Variants in CEP78 observed in about 807,000 individuals in gnomAD.
CEP78 encodes the protein centrosomal protein of 78 kDa.
Under a neutral mutation model 81.2 loss-of-function variants are expected in CEP78, and 76 were observed. The observed-to-expected ratio is 0.94, with a 90% CI of 0.78 to 1.13. The LOEUF is 1.13. Among genes scored for constraint, CEP78 ranks in the 50% most tolerant of loss-of-function variants. The pLI is 0.00. For missense variants in CEP78, 918 were observed against 846.8 expected (o/e 1.08, Z -1.04); for synonymous variants, 293 against 301.4 (o/e 0.97, Z 0.29).
intron 11 of CEP78, among the ~76,000 whole-genome samples, chr9:78,259,893 C>T (rs1016125067): frequency 2.0e-5 from 3 of 152,232 alleles, no homozygotes; most frequent in Admixed American, 2.0e-4. Flanking sequence ...TTAAGGAAGA[C>T]AGTAACCTTT....
intron 1 of CEP78, among the ~76,000 whole-genome samples, chr9:78,237,104 C>T (rs1328476969): frequency 1.3e-5 from 2 of 151,062 alleles, no homozygotes; most frequent in African/African-American, 4.9e-5. Flanking sequence ...CCTCAACCTC[C>T]CGAGTAGCTG....
intron 15 of CEP78, 99 bp from the exon 16 acceptor site, chr9:78,266,343 A>G (rs1326730817): frequency 3.3e-6 from 3 of 918,470 alleles, no homozygotes; most frequent in South Asian, 1.8e-5. Context: ...ATGACCTGGA[A>G]ATCTTCTAAG....
chr9:78,251,791 G>T, intron 8 of CEP78, 117 bp from the exon 9 acceptor site: 1 of 697,564 alleles, frequency 1.4e-6, no homozygotes, highest in Middle Eastern at 3.1e-4. Context: ...TGATTTAATG[G>T]ACTTGGTGTC....
At position 78,265,365 on chromosome 9, in the gene CEP78, C is replaced by A. The variant is rs761841632; in HGVS notation, c.1626-7C>A. Reference sequence around the variant, plus strand: ...TTGCCTTTTCCTCCTTTTCTTCTCTCGACCAGGCTTGGGCAGCTTGCCACA... The same window carrying A: ...TTGCCTTTTCCTCCTTTTCTTCTCTAGACCAGGCTTGGGCAGCTTGCCACA... On this transcript the variant is annotated splice_region_variant and splice_polypyrimidine_tract_variant and intron_variant, in intron 13 of 16. Transcript: ENST00000643273. 5.1e-6 allele frequency: 8 copies of A among 1,571,480 alleles called. No individual in the cohort carries two copies. In the South Asian group the frequency reaches 9.7e-5, roughly 19 times the overall value.
At chr9:78,250,292 TTTAA>T in intron 8 of CEP78, 1 of 398,222 alleles carries the variant, frequency 2.5e-6, no homozygotes, top group East Asian at 3.6e-5. Context: ...TGGCTTTATA[TTTAA>T]TAGTTAGGTG....
At chr9:78,269,096 C>G (rs188498289) in intron 16 of CEP78, among the ~76,000 whole-genome samples, 137 of 152,258 alleles carry the variant, frequency 9.0e-4, no homozygotes, top group African/African-American at 3.2e-3. Flanking sequence ...TGCCTAACAA[C>G]TGGTGCCACG....
At position 78,272,037 on chromosome 9, in the gene CEP78, C is replaced by G. The variant is rs1467819632; in HGVS notation, c.*1186C>G. 1 of 152,220 alleles carries G rather than the reference C, an allele frequency of 6.6e-6. No individual in the cohort carries two copies. The highest frequency in any genetic ancestry group is 1.5e-5 in the Non-Finnish European group (1 of 68,132). The allele number at this position is 152,220 out of a possible 1,614,324, so 9.4% of individuals were successfully genotyped here. A position where few individuals can be genotyped will look rare whatever the true frequency, so the allele number is the denominator to read the frequency against. On this transcript the variant is annotated 3_prime_UTR_variant, in exon 17 of 17. Transcript: ENST00000643273. ...CCGTGAAGTGATCTTCCTGCCTCAG[C>G]CCCCCTAGTAACTGGGATTACAGGC... is the stretch of plus-strand genomic sequence containing the variant.
chr9:78,253,334 TC>T, intron 10 of CEP78, 57 bp downstream of exon 10: 3 of 802,892 alleles, frequency 3.7e-6, no homozygotes, highest in Non-Finnish European at 6.5e-6. Context: ...GGGTGGAAGA[TC>T]ATTCTCTGTG....
In CEP78 at chr9:78,254,982, T is replaced by C. The variant is rs1446125343; in HGVS notation, c.1380+18T>C. 6.3e-7 allele frequency: 1 copy of C among 1,597,272 alleles called. No individual in the cohort carries two copies. The highest frequency in any genetic ancestry group is 1.3e-5 in the African/African-American group (1 of 74,496). ...CATTACAGGTACAAAGCTATCACTT[T>C]AAAGATATGGAGAAGATCATTTCAA... On this transcript the variant is annotated intron_variant, in intron 11 of 16. Transcript: ENST00000643273.
Position 78,243,497 on chromosome 9 carries a change from T to C in CEP78, c.639T>C (p.Ala213=). The C allele has an allele frequency of 1.2e-6, 2 of 1,613,778 alleles. No homozygotes were observed. The highest frequency in any genetic ancestry group is 1.7e-6 in the Non-Finnish European group (2 of 1,179,790). ...QTMRRHEETW[A]ESLRYRRPDL... ...TGAGAAGGCATGAAGAAACCTGGGC[T>C]GAGAGTCTTCGCTATAGGAGACCTG... The change falls in exon 5 of 17, where the codon GCT becomes GCC. Residue 213 remains alanine (A), a synonymous_variant. Transcript: ENST00000643273.
intron 1 of CEP78, 31 bp downstream of exon 1, chr9:78,236,634 G>C (rs781088538): frequency 2.0e-6 from 3 of 1,516,202 alleles, no homozygotes; most frequent in Non-Finnish European, 2.6e-6. Context: ...GGGCCCCTCA[G>C]TCGGTGCGGC....
chr9:78,276,500 G>T lies in CEP78; in HGVS notation c.*5649G>T, dbSNP rs149922231. ...AGGCTCTCGTTATTTGTAAATATGG[G>T]GTCTTTTTTTTTTTGGACAAAAAAC... is the stretch of plus-strand genomic sequence containing the variant. On this transcript the variant is annotated 3_prime_UTR_variant, in exon 17 of 17. Coordinates refer to ENST00000643273, the MANE Select transcript of CEP78 (RefSeq NM_001330691.3). The T allele has an allele frequency of 6.6e-6, 1 of 151,504 alleles. No individual in the cohort carries two copies. Among genetic ancestry groups the T allele is most frequent in the Admixed American group, 6.6e-5 (1 of 15,224 alleles). The allele number at this position is 151,504 out of a possible 1,614,324, so 9.4% of individuals were successfully genotyped here. A position where few individuals can be genotyped will look rare whatever the true frequency, so the allele number is the denominator to read the frequency against.
At chr9:78,247,321 G>T (rs1826539771) in intron 6 of CEP78, among the ~76,000 whole-genome samples, 1 of 152,178 alleles carries the variant, frequency 6.6e-6, no homozygotes, top group Non-Finnish European at 1.5e-5. Flanking sequence ...CACTGAAAAA[G>T]GGACATTTGA....
At chr9:78,256,092 A>G (rs1278176501) in intron 11 of CEP78, among the ~76,000 whole-genome samples, 1 of 152,244 alleles carries the variant, frequency 6.6e-6, no homozygotes, top group Non-Finnish European at 1.5e-5. Flanking sequence ...AGATTTCAAC[A>G]TATTTTTGAA....
At position 78,270,834 on chromosome 9, in the gene CEP78, C is replaced by T; in HGVS notation, c.2108-7C>T. The T allele has an allele frequency of 1.4e-6, 1 of 692,550 alleles. No individual in the cohort carries two copies. Among genetic ancestry groups the T allele is most frequent in the Non-Finnish European group, 2.6e-6 (1 of 377,496 alleles). The allele number at this position is 692,550 out of a possible 1,614,324, so 42.9% of individuals were successfully genotyped here. A position where few individuals can be genotyped will look rare whatever the true frequency, so the allele number is the denominator to read the frequency against. ...GGATGACTGAACACATTCTTTTATGCTTCTAGAATCCCATTGAAATGACTG... is the reference window on the plus strand; with the variant it reads ...GGATGACTGAACACATTCTTTTATGTTTCTAGAATCCCATTGAAATGACTG... On this transcript the variant is annotated splice_region_variant and splice_polypyrimidine_tract_variant and intron_variant, in intron 16 of 16. Transcript: ENST00000643273.
At chr9:78,256,756 C>A (rs1250010910) in intron 11 of CEP78, among the ~76,000 whole-genome samples, 1 of 151,846 alleles carries the variant, frequency 6.6e-6, no homozygotes, top group Non-Finnish European at 1.5e-5. Flanking sequence ...AAAATATGTC[C>A]TGATAGGACC....
Position 78,270,968 on chromosome 9 carries a change from A to C in CEP78, c.*117A>C. On this transcript the variant is annotated 3_prime_UTR_variant, in exon 17 of 17. Transcript: ENST00000643273. ...GATTTAAGTACCAGTTAATTAAAGG[A>C]TGGAACAGCTAAGCCATTCCACTCA... 1 of 578,580 alleles carries C rather than the reference A, an allele frequency of 1.7e-6. No individual in the cohort carries two copies. The highest frequency in any genetic ancestry group is 3.1e-5 in the East Asian group (1 of 32,514). 35.8% of individuals were successfully genotyped at this position (578,580 alleles called of 1,614,324 possible). A position where few individuals can be genotyped will look rare whatever the true frequency, so the allele number is the denominator to read the frequency against.
At chr9:78,260,054 C>A (rs1827204791) in intron 11 of CEP78, among the ~76,000 whole-genome samples, 1 of 152,278 alleles carries the variant, frequency 6.6e-6, no homozygotes, top group South Asian at 2.1e-4. Flanking sequence ...AATATACTTC[C>A]TTCTCTTGAA....
At chr9:78,248,465 C>T (rs1023432031) in intron 7 of CEP78, 110 bp downstream of exon 7, 1 of 720,508 alleles carries the variant, frequency 1.4e-6, no homozygotes, top group East Asian at 2.7e-5. Flanking sequence ...CAGTGATCTT[C>T]CCCCTTCCCA....
Sources: allele counts gnomAD v4.1 joint callset (sites outside exome capture counted in the v4.1 genomes callset), GRCh38; gene constraint gnomAD v4.1.1; transcripts MANE v1.5; gene names NCBI Gene and HGNC (gene_info 2026-07-23, HGNC 2026-07-21).